The following AGBL4 variants were observed in gnomAD, a reference collection of about 807,000 sequenced individuals.
AGBL4 encodes AGBL carboxypeptidase 4.
In AGBL4, 58 loss-of-function variants were observed where a neutral mutation model predicts 66.4. The observed-to-expected ratio is 0.87, with a 90% CI of 0.71 to 1.09. The LOEUF (loss-of-function observed/expected upper bound fraction) is 1.09, where lower values mean the gene tolerates loss of function less well. AGBL4 is among the 50% of genes least tolerant of loss of function. The pLI is 0.00. For missense variants in AGBL4, 579 were observed against 631.0 expected (o/e 0.92, Z 0.88); for synonymous variants, 234 against 222.9 (o/e 1.05, Z -0.44).
At chr1:49,741,331 C>A (rs926131223) in intron 2 of AGBL4, among the ~76,000 whole-genome samples, 2 of 152,126 alleles carry the variant, frequency 1.3e-5, no homozygotes, top group African/African-American at 2.4e-5. Context: ...AACACATACA[C>A]CCTCCCAAGA....
At chr1:48,648,618 A>T (rs938970826) in intron 8 of AGBL4, among the ~76,000 whole-genome samples, 2 of 152,156 alleles carry the variant, frequency 1.3e-5, no homozygotes, top group East Asian at 3.9e-4. Flanking sequence ...GAGTCCCTGG[A>T]TGTACCCTAT....
chr1:49,031,033 G>T (rs1172053403), intron 5 of AGBL4, among the ~76,000 whole-genome samples: 1 of 151,878 alleles, frequency 6.6e-6, no homozygotes, highest in African/African-American at 2.4e-5. Flanking sequence ...GCATAGCATG[G>T]TGATAATAGT....
At position 49,173,300 on chromosome 1, in the gene AGBL4, T is replaced by TA. The variant is rs557937455; in HGVS notation, c.377+72469dup. ...TAACTCAAAAAATAATCGTGTGAAATAGATACTCATGCCATTATTTTACTG... is the reference window on the plus strand; with the variant it reads ...TAACTCAAAAAATAATCGTGTGAAATAAGATACTCATGCCATTATTTTACTG... On this transcript the variant is annotated intron_variant, in intron 4 of 13. Transcript: ENST00000371839. Among the ~76,000 whole-genome samples the TA allele has an allele frequency of 2.3e-4, 35 of 152,320 alleles. No homozygotes were observed. The East Asian group carries it at 5.6e-3, about 24-fold the overall frequency.
intron 1 of AGBL4, among the ~76,000 whole-genome samples, chr1:49,916,262 G>C (rs963706071): frequency 1.3e-5 from 2 of 152,078 alleles, no homozygotes; most frequent in East Asian, 3.9e-4. Context: ...GAGAGAAGAG[G>C]GCTTCAGACA....
chr1:49,282,761 G>C (rs1244752997), intron 3 of AGBL4, among the ~76,000 whole-genome samples: 1 of 152,206 alleles, frequency 6.6e-6, no homozygotes, highest in Non-Finnish European at 1.5e-5. Flanking sequence ...AGGGGTGACA[G>C]ACGCACCTGG....
chr1:49,714,640 A>G (rs1321526770), intron 2 of AGBL4, among the ~76,000 whole-genome samples: 1 of 151,026 alleles, frequency 6.6e-6, no homozygotes, highest in African/African-American at 2.4e-5. Context: ...ACACACAAAT[A>G]TTTACACATC....
At chr1:50,001,927 A>G (rs1305305747) in intron 1 of AGBL4, among the ~76,000 whole-genome samples, 2 of 152,192 alleles carry the variant, frequency 1.3e-5, no homozygotes, top group Non-Finnish European at 2.9e-5. Flanking sequence ...CACTGGTCTA[A>G]GAGAAACTTA....
chr1:49,758,653 T>A (rs763474681), intron 2 of AGBL4, among the ~76,000 whole-genome samples: 3 of 152,148 alleles, frequency 2.0e-5, no homozygotes, highest in Non-Finnish European at 4.4e-5. Context: ...ATTTCTCCCA[T>A]TTGGAATGAG....
intron 5 of AGBL4, among the ~76,000 whole-genome samples, chr1:49,003,354 C>T (rs1044040894): frequency 2.6e-5 from 4 of 152,066 alleles, no homozygotes; most frequent in Non-Finnish European, 4.4e-5. Context: ...GCCGAGATCA[C>T]GCCATTGCAC....
intron 1 of AGBL4, among the ~76,000 whole-genome samples, chr1:49,984,923 G>A (rs1659371341): frequency 6.6e-6 from 1 of 152,112 alleles, no homozygotes; most frequent in Non-Finnish European, 1.5e-5. Flanking sequence ...TGAGAGAAAA[G>A]AGTTAACAAT....
intron 6 of AGBL4, among the ~76,000 whole-genome samples, chr1:48,828,944 A>C (rs1331742598): frequency 1.3e-5 from 2 of 152,186 alleles, no homozygotes; most frequent in African/African-American, 4.8e-5. Flanking sequence ...TATGTGTGTA[A>C]GATATCTCAC....
At chr1:49,802,279 A>C (rs963591048) in intron 2 of AGBL4, among the ~76,000 whole-genome samples, 1 of 152,134 alleles carries the variant, frequency 6.6e-6, no homozygotes, top group Non-Finnish European at 1.5e-5. Flanking sequence ...TCGCCTGTCT[A>C]TATGGATAAG....
intron 2 of AGBL4, among the ~76,000 whole-genome samples, chr1:49,823,650 G>A (rs1557482443): frequency 6.6e-6 from 1 of 152,112 alleles, no homozygotes; most frequent in Non-Finnish European, 1.5e-5. Flanking sequence ...TTTGAAATGG[G>A]TAGGGAATCA....
At chr1:49,881,998 T>C (rs1280097878) in intron 1 of AGBL4, among the ~76,000 whole-genome samples, 1 of 152,146 alleles carries the variant, frequency 6.6e-6, no homozygotes, top group Admixed American at 6.5e-5. Context: ...CTAGGTTTTC[T>C]TCTAGGGTTT....
intron 2 of AGBL4, among the ~76,000 whole-genome samples, chr1:49,768,684 G>C (rs1643964378): frequency 6.6e-6 from 1 of 152,038 alleles, no homozygotes; most frequent in Admixed American, 6.6e-5. Flanking sequence ...AGAGCAATCA[G>C]GCAAGAGAAA....
At chr1:49,672,512 T>G (rs1424530919) in intron 3 of AGBL4, among the ~76,000 whole-genome samples, 2 of 150,432 alleles carry the variant, frequency 1.3e-5, no homozygotes, top group African/African-American at 2.5e-5. Flanking sequence ...AAAAAAAGAA[T>G]AACAAATCAA....
intron 4 of AGBL4, among the ~76,000 whole-genome samples, chr1:49,161,877 C>T (rs184914464): frequency 9.9e-5 from 15 of 152,274 alleles, no homozygotes; most frequent in African/African-American, 3.4e-4. Context: ...GGGAAGGAGC[C>T]ATTTGAGAAC....
chr1:49,778,915 T>C (rs1401016103), intron 2 of AGBL4, among the ~76,000 whole-genome samples: 1 of 152,162 alleles, frequency 6.6e-6, no homozygotes, highest in African/African-American at 2.4e-5. Flanking sequence ...ATGCAATATA[T>C]TCATGTAACA....
At chr1:49,716,425 G>A (rs1648142011) in intron 2 of AGBL4, among the ~76,000 whole-genome samples, 1 of 151,978 alleles carries the variant, frequency 6.6e-6, no homozygotes, top group South Asian at 2.1e-4. Flanking sequence ...GGATTGTGTT[G>A]GCTATGCAGG....
Sources: gnomAD v4.1 joint callset for allele counts (sites outside exome capture counted in the v4.1 genomes callset) on GRCh38, gnomAD v4.1.1 for gene constraint, MANE v1.5 for transcripts, NCBI Gene and HGNC (gene_info 2026-07-23, HGNC 2026-07-21) for gene names.